ASPH: variants seen among roughly 807,000 people sequenced by gnomAD.
ASPH encodes the protein aspartyl/asparaginyl beta-hydroxylase.
In ASPH, 100 loss-of-function variants were observed where a neutral mutation model predicts 118.4. That is an observed-to-expected ratio of 0.84 (90% CI 0.72 to 1.00). The LOEUF is 1.00. Among genes scored for constraint, ASPH ranks in the 50% least tolerant of loss-of-function variants. The pLI is 0.00. For missense variants in ASPH, 920 were observed against 919.5 expected, an observed-to-expected ratio of 1.00 and a Z score of -0.01; for synonymous variants, 315 against 325.6, an observed-to-expected ratio of 0.97 and a Z score of 0.35.
At chr8:61,677,608 G>A (rs1163864468) in intron 3 of ASPH, among the ~76,000 whole-genome samples, 1 of 152,094 alleles carries the variant, frequency 6.6e-6, no homozygotes, top group Non-Finnish European at 1.5e-5. Context: ...TCATGTTTTT[G>A]GTAGGAAAAA....
intron 16 of ASPH, among the ~76,000 whole-genome samples, chr8:61,571,183 A>G (rs1247262158): frequency 6.6e-6 from 1 of 152,202 alleles, no homozygotes; most frequent in Non-Finnish European, 1.5e-5. Flanking sequence ...AATTTAATTT[A>G]CCATGGCTAA....
intron 1 of ASPH, among the ~76,000 whole-genome samples, chr8:61,687,150 T>C (rs964176561): frequency 2.0e-5 from 3 of 152,122 alleles, no homozygotes; most frequent in Non-Finnish European, 4.4e-5. Context: ...ATAGTTTGAA[T>C]TCAAATTTTA....
chr8:61,503,256 G>A lies in ASPH; in HGVS notation c.*103C>T. The A allele has an allele frequency of 1.5e-6, 2 of 1,339,848 alleles. No homozygotes were observed. Among genetic ancestry groups the A allele is most frequent in the Non-Finnish European group, 2.0e-6 (2 of 1,006,026 alleles). 83.0% of individuals were successfully genotyped at this position (1,339,848 alleles called of 1,614,324 possible). On this transcript the variant is annotated 3_prime_UTR_variant, in exon 25 of 25. Transcript: ENST00000379454. ...TTGAATTACTCGGGCTGCAAGTCAA[G>A]GGAATTGACTCTTGGTGTTCGAAAT...
At chr8:61,625,602 AAAAATAAAT>A in intron 13 of ASPH, 17 of 981,322 alleles carry the variant, frequency 1.7e-5, no homozygotes, top group Non-Finnish European at 2.1e-5. Flanking sequence ...TCTCATTTAA[AAAAATAAAT>A]AAATGATAAT....
chr8:61,530,873 C>T (rs934573202), intron 21 of ASPH, among the ~76,000 whole-genome samples: 47 of 152,126 alleles, frequency 3.1e-4, no homozygotes, highest in African/African-American at 1.1e-3. Flanking sequence ...TGTTATATTG[C>T]TATTCTTGAT....
intron 1 of ASPH, among the ~76,000 whole-genome samples, chr8:61,695,651 A>T (rs1833753629): frequency 6.6e-6 from 1 of 152,190 alleles, no homozygotes; most frequent in Non-Finnish European, 1.5e-5. Flanking sequence ...AGACAACTAT[A>T]CAACAACTGA....
At chr8:61,665,327 T>C (rs1461088116) in intron 3 of ASPH, 3 of 1,613,724 alleles carry the variant, frequency 1.9e-6, no homozygotes, top group Middle Eastern at 1.6e-4. Flanking sequence ...CTTTCTGTCA[T>C]CTTTGTCTCG....
chr8:61,554,227 G>C (rs377477819), intron 19 of ASPH, among the ~76,000 whole-genome samples: 1 of 152,230 alleles, frequency 6.6e-6, no homozygotes, highest in Admixed American at 6.5e-5. Flanking sequence ...CCATCCCAAG[G>C]GGGGATCACT....
chr8:61,504,643 A>G (rs561118918), intron 24 of ASPH, among the ~76,000 whole-genome samples: 4 of 152,262 alleles, frequency 2.6e-5, no homozygotes, highest in South Asian at 2.1e-4. Context: ...TGAGATATTT[A>G]GCGGCACCCC....
chr8:61,555,938 T>C lies in ASPH; in HGVS notation c.1522A>G (p.Ile508Val). 1 of 1,613,996 alleles carries C rather than the reference T, an allele frequency of 6.2e-7. No individual in the cohort carries two copies. Among genetic ancestry groups the C allele is most frequent in the Non-Finnish European group, 8.5e-7 (1 of 1,179,934 alleles). ...GTGAGCATTACCTTTAAATATGGGA[T>C]GCTCTCAGCAATTTTGTTCTGTGCC... ...LKAQNKIAES[I>V]PYLKEGIESG... The change falls in exon 19 of 25, where the codon ATC becomes GTC. Residue 508 changes from isoleucine (I) to valine (V), a missense_variant. Transcript: ENST00000379454.
intron 21 of ASPH, among the ~76,000 whole-genome samples, chr8:61,530,742 T>G (rs1817262515): frequency 1.3e-5 from 2 of 152,228 alleles, no homozygotes; most frequent in South Asian, 4.1e-4. Context: ...CAAATATTAC[T>G]ACAGGTCTTA....
intron 14 of ASPH, among the ~76,000 whole-genome samples, chr8:61,589,760 A>G (rs1156381452): frequency 6.6e-6 from 1 of 152,210 alleles, no homozygotes; most frequent in African/African-American, 2.4e-5. Context: ...CCCGTTTTCC[A>G]AAAATTGTGT....
chr8:61,544,878 C>T (rs1017362347), intron 21 of ASPH, among the ~76,000 whole-genome samples: 1 of 152,078 alleles, frequency 6.6e-6, no homozygotes, highest in African/African-American at 2.4e-5. Flanking sequence ...ATGCAAAGGA[C>T]TGATATTCCT....
At chr8:61,649,613 G>A (rs113109925) in intron 5 of ASPH, among the ~76,000 whole-genome samples, 16 of 152,224 alleles carry the variant, frequency 1.1e-4, no homozygotes, top group African/African-American at 3.4e-4. Flanking sequence ...GCCAGAACAC[G>A]GTGCTAGACT....
intron 21 of ASPH, among the ~76,000 whole-genome samples, chr8:61,529,762 T>C (rs1268708223): frequency 6.6e-6 from 1 of 152,330 alleles, no homozygotes; most frequent in East Asian, 1.9e-4. Flanking sequence ...ACTCAAGATG[T>C]AGGCAGATTC....
Position 61,561,910 on chromosome 8 carries a change from G to C in ASPH, c.1437+834C>G, listed in dbSNP as rs566203750. Among the ~76,000 whole-genome samples, 6 of 152,322 alleles carry C rather than the reference G, an allele frequency of 3.9e-5. No homozygotes were observed. In the East Asian group the frequency reaches 1.2e-3, roughly 29 times the overall value. Reference sequence around the variant, plus strand: ...TCATTACACTCCAGTCTGGGCAACAGAGTGAGACCACGTGTCAAAAACAAA... The same window carrying C: ...TCATTACACTCCAGTCTGGGCAACACAGTGAGACCACGTGTCAAAAACAAA... On this transcript the variant is annotated intron_variant, in intron 18 of 24. Transcript: ENST00000379454.
chr8:61,566,870 G>A (rs563114392), intron 17 of ASPH, among the ~76,000 whole-genome samples: 2 of 152,288 alleles, frequency 1.3e-5, no homozygotes, highest in East Asian at 3.9e-4. Context: ...AAGACACTAT[G>A]ACATAGTATA....
intron 10 of ASPH, among the ~76,000 whole-genome samples, chr8:61,638,575 C>T (rs1858967562): frequency 6.6e-6 from 1 of 152,104 alleles, no homozygotes; most frequent in Admixed American, 6.5e-5. Context: ...CCACTTTTTA[C>T]TACCTTTTTA....
intron 20 of ASPH, among the ~76,000 whole-genome samples, chr8:61,552,713 TACACACACAGACAC>T (rs930397752): frequency 6.6e-6 from 1 of 152,142 alleles, no homozygotes; most frequent in Non-Finnish European, 1.5e-5. Flanking sequence ...TATCTCTCTG[TACACACACAGACAC>T]ACACACACAG....
Sources: gnomAD v4.1 joint callset for allele counts (sites outside exome capture counted in the v4.1 genomes callset) on GRCh38, gnomAD v4.1.1 for gene constraint, MANE v1.5 for transcripts, NCBI Gene and HGNC (gene_info 2026-07-23, HGNC 2026-07-21) for gene names.